Variants in AFF3 observed in about 807,000 individuals in gnomAD.
The protein encoded by AFF3 is AF4/FMR2 family member 3.
AFF3 carries 32 observed loss-of-function variants against 129.7 expected under a neutral mutation model. The observed-to-expected ratio is 0.25, with a 90% CI of 0.19 to 0.33. AFF3 has a LOEUF of 0.33. Ranked by LOEUF, AFF3 falls within the 10% of genes least tolerant of loss-of-function variation. The pLI, the probability that AFF3 is intolerant of heterozygous loss-of-function variation, is 1.00. For synonymous variants in AFF3, 644 were observed against 635.4 expected, an observed-to-expected ratio of 1.01 and a Z score of -0.20; for missense variants, 1,373 against 1,592.0, an observed-to-expected ratio of 0.86 and a Z score of 2.34.
chr2:100,132,620 G>A (rs1692468532), intron 1 of AFF3, among the ~76,000 whole-genome samples: 1 of 152,086 alleles, frequency 6.6e-6, no homozygotes, highest in South Asian at 2.1e-4. Context: ...GAAGTATAAG[G>A]CAGTATACAT....
chr2:100,008,981 G>A (rs1201957924), intron 4 of AFF3, 49 bp from the exon 5 acceptor site: 2 of 1,600,926 alleles, frequency 1.2e-6, no homozygotes, highest in East Asian at 4.5e-5. Context: ...AAATTAAACT[G>A]TAAAGCCCAA....
At chr2:100,002,011 C>G (rs1416060379) in intron 7 of AFF3, among the ~76,000 whole-genome samples, 4 of 152,210 alleles carry the variant, frequency 2.6e-5, no homozygotes, top group Admixed American at 1.3e-4. Context: ...CCACGCTGTC[C>G]TGAGGGACGT....
intron 7 of AFF3, among the ~76,000 whole-genome samples, chr2:99,966,906 T>C (rs890325208): frequency 6.6e-6 from 1 of 152,100 alleles, no homozygotes; most frequent in Non-Finnish European, 1.5e-5. Flanking sequence ...TAGCACTCTA[T>C]GGAAAATTGA....
chr2:99,581,036 GTGTGATCCCC>G (rs1457890102), intron 17 of AFF3, among the ~76,000 whole-genome samples: 1 of 152,194 alleles, frequency 6.6e-6, no homozygotes, highest in African/African-American at 2.4e-5. Flanking sequence ...TCATGCATGT[GTGTGATCCCC>G]TGTATAAGGC....
At chr2:100,009,190 G>A (rs1682274635) in intron 4 of AFF3, among the ~76,000 whole-genome samples, 1 of 152,198 alleles carries the variant, frequency 6.6e-6, no homozygotes. Flanking sequence ...AAGAGGAACT[G>A]TTTAAGCAAC....
intron 7 of AFF3, among the ~76,000 whole-genome samples, chr2:99,846,243 T>C (rs6542903): frequency 0.89 from 135,711 of 152,144 alleles, 60,724 homozygotes; most frequent in African/African-American, 0.97. Flanking sequence ...GATTCTCCTG[T>C]CCCAGCCTCC....
intron 13 of AFF3, among the ~76,000 whole-genome samples, chr2:99,607,210 T>C (rs527635273): frequency 6.6e-6 from 1 of 152,162 alleles, no homozygotes; most frequent in Admixed American, 6.5e-5. Flanking sequence ...AATCTGGCCT[T>C]GGCTAAGTCT....
intron 4 of AFF3, among the ~76,000 whole-genome samples, chr2:100,014,783 C>CTTTTTTTTTTTTTTTTTTTTTTTT (rs60456923): frequency 8.3e-6 from 1 of 120,404 alleles, no homozygotes; most frequent in African/African-American, 3.3e-5. Context: ...ACCTTGCTTC[C>CTTTTTTTTTTTTTTTTTTTTTTTT]TTTTTTTTTT....
At chr2:99,745,044 A>G (rs1042839823) in intron 9 of AFF3, among the ~76,000 whole-genome samples, 6 of 152,140 alleles carry the variant, frequency 3.9e-5, no homozygotes, top group Non-Finnish European at 7.4e-5. Flanking sequence ...AATGCTTGTT[A>G]TTTTCCATTA....
chr2:99,633,909 CTTTT>C (rs139661861), intron 13 of AFF3, among the ~76,000 whole-genome samples: 1 of 116,420 alleles, frequency 8.6e-6, no homozygotes, highest in East Asian at 2.6e-4. Flanking sequence ...TTCTTCCTTC[CTTTT>C]TTTTTTTTTT....
At chr2:99,794,979 G>A (rs967670328) in intron 8 of AFF3, among the ~76,000 whole-genome samples, 8 of 152,062 alleles carry the variant, frequency 5.3e-5, no homozygotes, top group Non-Finnish European at 7.4e-5. Context: ...TCAAAAGTAC[G>A]AACCTGATGA....
At chr2:100,073,272 T>C (rs934151921) in intron 4 of AFF3, among the ~76,000 whole-genome samples, 2 of 152,202 alleles carry the variant, frequency 1.3e-5, no homozygotes, top group Non-Finnish European at 2.9e-5. Context: ...GGTGTCCTCA[T>C]GAAAAGGGGA....
Position 99,582,346 on chromosome 2 carries a change from G to T in AFF3, c.2793+452C>A, listed in dbSNP as rs565975544. ...AATCACCCGAGATCACTGGAAAAGGGGTGGTGGTGGGGGTCCCCCACTGCA... is the reference window on the plus strand; with the variant it reads ...AATCACCCGAGATCACTGGAAAAGGTGTGGTGGTGGGGGTCCCCCACTGCA... On this transcript the variant is annotated intron_variant, in intron 17 of 24. Transcript: ENST00000672756. Among the ~76,000 whole-genome samples the T allele has an allele frequency of 7.2e-5, 11 of 152,260 alleles. No individual in the cohort carries two copies. In the South Asian group the frequency reaches 2.3e-3, roughly 32 times the overall value.
chr2:99,710,029 T>G (rs895866195), intron 11 of AFF3, among the ~76,000 whole-genome samples: 1 of 152,222 alleles, frequency 6.6e-6, no homozygotes, highest in South Asian at 2.1e-4. Flanking sequence ...GGCTTGGCCA[T>G]GCTGCCTACC....
chr2:99,943,464 G>A (rs1489919316), intron 7 of AFF3, among the ~76,000 whole-genome samples: 1 of 152,190 alleles, frequency 6.6e-6, no homozygotes, highest in East Asian at 1.9e-4. Context: ...GACTTCAGGG[G>A]TGATACATCT....
rs1678205828 is a variant in AFF3 at position 99,587,198 on chromosome 2, G to A, written c.2547C>T (p.Thr849=). ...AGTGGTTTGCAGACAAAGTATTACT[G>A]GTGGAGGTGGCCAGTCTTGAAGAGC... is the stretch of plus-strand genomic sequence containing the variant. ...KDSSSRLATS[T]SNTLSANHCN... is the part of the protein sequence containing the mutation. Residue 849 remains threonine (T), a synonymous_variant, in exon 16 of 25, where the codon ACC becomes ACT. Coordinates refer to ENST00000672756, the MANE Select transcript of AFF3 (RefSeq NM_001386135.1). The A allele has an allele frequency of 3.1e-6, 5 of 1,614,164 alleles. No homozygotes were observed. The highest frequency in any genetic ancestry group is 4.2e-6 in the Non-Finnish European group (5 of 1,180,038).
At chr2:99,607,243 G>T (rs989385434) in intron 13 of AFF3, among the ~76,000 whole-genome samples, 1 of 152,082 alleles carries the variant, frequency 6.6e-6, no homozygotes, top group Non-Finnish European at 1.5e-5. Flanking sequence ...TAAAAGAAAA[G>T]ATCTGGAGGC....
chr2:99,870,764 A>T (rs1385922737), intron 7 of AFF3, among the ~76,000 whole-genome samples: 1 of 152,234 alleles, frequency 6.6e-6, no homozygotes, highest in East Asian at 1.9e-4. Flanking sequence ...AAAAACAGCA[A>T]CCATAAGAAA....
At chr2:99,589,587 G>GTAGAT (rs1678463722) in intron 15 of AFF3, among the ~76,000 whole-genome samples, 1 of 151,712 alleles carries the variant, frequency 6.6e-6, no homozygotes, top group Non-Finnish European at 1.5e-5. Context: ...TTTTAGTAGA[G>GTAGAT]ACAGGGTTTC....
Sources: gnomAD v4.1 joint callset for allele counts (sites outside exome capture counted in the v4.1 genomes callset) on GRCh38, gnomAD v4.1.1 for gene constraint, MANE v1.5 for transcripts, NCBI Gene and HGNC (gene_info 2026-07-23, HGNC 2026-07-21) for gene names.